NBPF20: variants seen among roughly 807,000 people sequenced by gnomAD.
The protein encoded by NBPF20 is NBPF family member NBPF20.
Under a neutral mutation model 68.1 loss-of-function variants are expected in NBPF20, and 90 were observed. The ratio of observed to expected loss-of-function variants is 1.32; its 90% CI spans 1.11 to 1.58. The LOEUF is 1.58. Ranked by LOEUF, NBPF20 falls within the 40% of genes most tolerant of loss-of-function variation. The pLI is 0.00. For synonymous variants in NBPF20, 290 were observed against 228.1 expected (o/e 1.27, Z -2.45); for missense variants, 816 against 601.2 (o/e 1.36, Z -3.74).
intron 113 of NBPF20, among the ~76,000 whole-genome samples, chr1:145,311,077 G>A (rs1435583346): frequency 2.5e-5 from 2 of 78,450 alleles, no homozygotes; most frequent in African/African-American, 1.5e-4. Flanking sequence ...TCAGCGAGTT[G>A]GCCGGGTGAC....
intron 8 of NBPF20, among the ~76,000 whole-genome samples, chr1:145,394,734 C>T (rs1337724482): frequency 1.7e-4 from 26 of 151,812 alleles, no homozygotes; most frequent in Non-Finnish European, 2.1e-4. Flanking sequence ...AGTTCAATGT[C>T]GTGACAATCA....
chr1:145,425,274 C>A, the NBPF20 span, among the ~76,000 whole-genome samples: 2 of 143,110 alleles, frequency 1.4e-5, no homozygotes, highest in African/African-American at 2.5e-5. Context: ...ACAAAGCTTG[C>A]GACAGCCGCA....
chr1:145,394,943 C>A (rs1169253379), intron 8 of NBPF20, 35 bp downstream of exon 13: 1 of 1,611,786 alleles, frequency 6.2e-7, no homozygotes, highest in African/African-American at 1.3e-5. Flanking sequence ...GGGCCATGAA[C>A]TGGAGCTTTA....
chr1:145,390,317 C>CAA (rs1344128323), intron 13 of NBPF20, among the ~76,000 whole-genome samples: 1 of 64,014 alleles, frequency 1.6e-5, no homozygotes, highest in African/African-American at 1.0e-4. Flanking sequence ...CAGATAGACA[C>CAA]ACACACACAC....
exon 4 of NBPF20, chr1:145,402,282 A>G: frequency 7.5e-6 from 12 of 1,610,024 alleles, no homozygotes; most frequent in Non-Finnish European, 9.3e-6. Context: ...GGGCCTGGAG[A>G]TGCTCATTCA....
upstream of NBPF20, among the ~76,000 whole-genome samples, chr1:145,409,059 TTTGCAG>T (rs1450093459): frequency 2.1e-4 from 32 of 149,432 alleles, no homozygotes; most frequent in East Asian, 3.5e-3. Flanking sequence ...CTTGTACCCC[TTTGCAG>T]TTCATCAGCC....
At chr1:145,398,776 A>T (rs1158070354) in intron 7 of NBPF20, among the ~76,000 whole-genome samples, 7 of 151,844 alleles carry the variant, frequency 4.6e-5, no homozygotes, top group East Asian at 3.9e-4. Context: ...CAAAAGATCA[A>T]TGAATCCAGG....
At chr1:145,410,868 G>A in the NBPF20 span, among the ~76,000 whole-genome samples, 1 of 122,170 alleles carries the variant, frequency 8.2e-6, no homozygotes, top group Non-Finnish European at 1.7e-5. Flanking sequence ...TCTTCAAAAC[G>A]GTGAATATAT....
chr1:145,402,522 G>A (rs1662571266), intron 3 of NBPF20, 141 bp from the exon 9 acceptor site: 8 of 744,638 alleles, frequency 1.1e-5, no homozygotes, highest in Non-Finnish European at 1.7e-5. Context: ...AATGTCTGTG[G>A]CCAAGAGAAA....
chr1:145,425,595 G>T, the NBPF20 span, among the ~76,000 whole-genome samples: 3 of 152,220 alleles, frequency 2.0e-5, no homozygotes, highest in African/African-American at 7.2e-5. Flanking sequence ...GGGTCTCGCC[G>T]GGCGCGTCAA....
intron 9 of NBPF20, among the ~76,000 whole-genome samples, chr1:145,393,458 A>AAAC (rs1662027095): frequency 2.8e-5 from 4 of 145,160 alleles, no homozygotes; most frequent in African/African-American, 1.0e-4. Context: ...CACACACACA[A>AAAC]ACACACACAC....
At chr1:145,410,619 A>T in the NBPF20 span, among the ~76,000 whole-genome samples, 1 of 150,366 alleles carries the variant, frequency 6.7e-6, no homozygotes, top group South Asian at 2.1e-4. Flanking sequence ...GGCCCCATGT[A>T]TCTTCTTTTC....
chr1:145,410,275 T>C (rs1553668673), upstream of NBPF20, among the ~76,000 whole-genome samples: 1 of 151,870 alleles, frequency 6.6e-6, no homozygotes. Context: ...GACTAAACAG[T>C]GGAGCATCTT....
At position 145,311,851 on chromosome 1, in the gene NBPF20, G is replaced by T. The variant is rs1429710508; in HGVS notation, c.13660+357C>A. ...CTCATCAAATACTCAGATTGTTCAC[G>T]GTAGCGAGGATTTTAGATGCTGAAA... On this transcript the variant is annotated intron_variant, in intron 112 of 137. Transcript: ENST00000369373. Among the ~76,000 whole-genome samples the T allele has an allele frequency of 8.2e-5, 9 of 110,346 alleles. 1 individual carries two copies. The highest frequency in any genetic ancestry group is 5.2e-4 in the Admixed American group (6 of 11,600). 72.4% of individuals were successfully genotyped at this position (110,346 alleles called of 152,430 possible). A position where few individuals can be genotyped will look rare whatever the true frequency, so the allele number is the denominator to read the frequency against.
chr1:145,395,179 A>C, intron 7 of NBPF20, 38 bp from the exon 13 acceptor site: 3 of 1,301,700 alleles, frequency 2.3e-6, no homozygotes, highest in African/African-American at 2.9e-5. Flanking sequence ...TAGAAGATTT[A>C]ACCAACAGAC....
exon 138 of NBPF20, chr1:145,291,629 T>A (rs782210528): frequency 3.7e-6 from 6 of 1,611,970 alleles, no homozygotes; most frequent in Non-Finnish European, 5.1e-6. Context: ...GATGTGCTGT[T>A]CCTCAAATGA....
the NBPF20 span, among the ~76,000 whole-genome samples, chr1:145,421,290 C>A: frequency 6.6e-6 from 1 of 152,292 alleles, no homozygotes; most frequent in African/African-American, 2.4e-5. Flanking sequence ...TATCTGTACA[C>A]GTATATTCTA....
the NBPF20 span, among the ~76,000 whole-genome samples, chr1:145,422,684 C>T: frequency 6.6e-6 from 1 of 152,110 alleles, no homozygotes; most frequent in Non-Finnish European, 1.5e-5. Flanking sequence ...GCAGACACAT[C>T]CACGTAGTAA....
chr1:145,394,983 A>T lies in NBPF20; in HGVS notation c.986T>A (p.Ile329Lys). 1.4e-5 allele frequency: 22 copies of T among 1,611,926 alleles called. No individual in the cohort carries two copies. The South Asian group carries it at 2.1e-4, about 15-fold the overall frequency. The change falls in exon 8 of 138, where the codon ATA (isoleucine) becomes AAA (lysine). Residue 329 changes from isoleucine to lysine, a missense_variant. By Grantham distance (102) the Ile-to-Lys change is moderately radical. Coordinates refer to ENST00000369373, the Ensembl canonical transcript of NBPF20. Reference sequence around the variant, plus strand: ...CTTCACAGTGTAGTACTCACTGCCTATGTCAACAGCCATGCAGACTTGCTG... The same window carrying T: ...CTTCACAGTGTAGTACTCACTGCCTTTGTCAACAGCCATGCAGACTTGCTG...
Sources: allele counts gnomAD v4.1 joint callset (sites outside exome capture counted in the v4.1 genomes callset), GRCh38; gene constraint gnomAD v4.1.1; transcripts MANE v1.5; gene names NCBI Gene and HGNC (gene_info 2026-07-23, HGNC 2026-07-21).